The following ITPRID1 variants were observed in gnomAD, a reference collection of about 807,000 sequenced individuals.
ITPRID1 encodes protein ITPRID1.
A neutral mutation model predicts 95.4 loss-of-function variants in ITPRID1; 96 were observed. The ratio of observed to expected loss-of-function variants is 1.01; its 90% CI spans 0.85 to 1.19. The LOEUF is 1.19. ITPRID1 is among the 50% of genes most tolerant of loss of function. The pLI is 0.00. For synonymous variants in ITPRID1, 510 were observed against 453.6 expected, an observed-to-expected ratio of 1.12 and a Z score of -1.58; for missense variants, 1,339 against 1,252.9, an observed-to-expected ratio of 1.07 and a Z score of -1.04.
chr7:31,566,194 G>T (rs551260328), intron 5 of ITPRID1, among the ~76,000 whole-genome samples: 1 of 152,268 alleles, frequency 6.6e-6, no homozygotes, highest in East Asian at 1.9e-4. Context: ...TGGATGACTC[G>T]ATTTTCTGCA....
chr7:31,612,496 T>C (rs1786919220), intron 10 of ITPRID1, among the ~76,000 whole-genome samples: 1 of 152,076 alleles, frequency 6.6e-6, no homozygotes, highest in Non-Finnish European at 1.5e-5. Flanking sequence ...ACTCCTAGGT[T>C]TTGTTGTTGT....
intron 10 of ITPRID1, among the ~76,000 whole-genome samples, chr7:31,634,988 G>A (rs536896158): frequency 4.6e-5 from 7 of 152,276 alleles, no homozygotes; most frequent in South Asian, 2.1e-4. Context: ...TTGGCCAGGC[G>A]TGCTGGTACC....
intron 10 of ITPRID1, among the ~76,000 whole-genome samples, chr7:31,603,180 G>A (rs1201085334): frequency 6.6e-6 from 1 of 152,066 alleles, no homozygotes; most frequent in African/African-American, 2.4e-5. Flanking sequence ...CAATCAATCA[G>A]AGATGTAACC....
chr7:31,622,018 A>G (rs1364548011), intron 10 of ITPRID1, among the ~76,000 whole-genome samples: 3 of 142,376 alleles, frequency 2.1e-5, no homozygotes, highest in African/African-American at 7.9e-5. Flanking sequence ...AGGCCATTAC[A>G]TAATGGTAAA....
intron 10 of ITPRID1, among the ~76,000 whole-genome samples, chr7:31,585,842 TTTA>T (rs908478140): frequency 6.6e-6 from 1 of 152,148 alleles, no homozygotes; most frequent in Non-Finnish European, 1.5e-5. Flanking sequence ...ATCTTTTTTT[TTTA>T]TTATTATTAT....
At chr7:31,620,891 C>T in intron 10 of ITPRID1, among the ~76,000 whole-genome samples, 1 of 151,974 alleles carries the variant, frequency 6.6e-6, no homozygotes, top group Middle Eastern at 3.4e-3. Flanking sequence ...ACTAGAATAA[C>T]CAATACAGAG....
intron 1 of ITPRID1, among the ~76,000 whole-genome samples, chr7:31,522,030 A>C (rs1431757217): frequency 3.3e-5 from 5 of 151,788 alleles, no homozygotes; most frequent in African/African-American, 1.2e-4. Context: ...AAAAACCAGA[A>C]GTTTCAACAA....
chr7:31,641,708 TGTA>T (rs1211530124), intron 10 of ITPRID1, among the ~76,000 whole-genome samples: 1 of 152,156 alleles, frequency 6.6e-6, no homozygotes, highest in Non-Finnish European at 1.5e-5. Context: ...AGCACAAACT[TGTA>T]GTCATAGAAA....
chr7:31,624,864 A>T (rs535630242), intron 10 of ITPRID1, among the ~76,000 whole-genome samples: 11 of 152,370 alleles, frequency 7.2e-5, no homozygotes, highest in African/African-American at 2.6e-4. Flanking sequence ...AATTTTCGCA[A>T]CCTATTCATC....
intron 10 of ITPRID1, among the ~76,000 whole-genome samples, chr7:31,630,817 A>G (rs561827096): frequency 1.3e-5 from 2 of 152,316 alleles, no homozygotes; most frequent in South Asian, 4.1e-4. Context: ...TGGGCAAAAT[A>G]TACCAAAAAG....
chr7:31,617,049 A>G (rs901447344), intron 10 of ITPRID1, among the ~76,000 whole-genome samples: 1 of 152,200 alleles, frequency 6.6e-6, no homozygotes, highest in African/African-American at 2.4e-5. Flanking sequence ...GCACCACAGC[A>G]TGGTGGTAAA....
Position 31,651,923 on chromosome 7 carries a change from T to C in ITPRID1, c.2712-16T>C, listed in dbSNP as rs1790992384. 22 of 1,554,716 alleles carry C rather than the reference T, an allele frequency of 1.4e-5. No individual in the cohort carries two copies. The highest frequency in any genetic ancestry group is 1.7e-5 in the Non-Finnish European group (20 of 1,144,536). ...AGGATTGTTAAATTTGGTTATTTTCTATTATTTACTTGCAGGGAGGAGGCC... is the reference window on the plus strand; with the variant it reads ...AGGATTGTTAAATTTGGTTATTTTCCATTATTTACTTGCAGGGAGGAGGCC... On this transcript the variant is annotated splice_polypyrimidine_tract_variant and intron_variant, in intron 13 of 14. Transcript: ENST00000615280.
intron 1 of ITPRID1, among the ~76,000 whole-genome samples, chr7:31,545,692 C>T (rs1025021272): frequency 6.6e-6 from 1 of 152,100 alleles, no homozygotes; most frequent in African/African-American, 2.4e-5. Context: ...CAGCCTGCTC[C>T]TAAATGGCAG....
Position 31,574,545 on chromosome 7 carries a change from C to T in ITPRID1, c.401C>T (p.Pro134Leu). ...ATTCATATTTTTTACCACAGCATTC[C>T]TGAATGGCTGGAATTTTGGGAGATA... Reference protein sequence around the residue: ...YSTASVPQSIPEWLEFWEIDP... With the variant: ...YSTASVPQSILEWLEFWEIDP... Residue 134 changes from proline to leucine, a missense_variant, in exon 8 of 15, where the codon CCT (proline) becomes CTT (leucine). Coordinates refer to ENST00000615280, the MANE Select transcript of ITPRID1 (RefSeq NM_001257967.3). The T allele has an allele frequency of 1.2e-6, 2 of 1,613,008 alleles. No individual in the cohort carries two copies. The highest frequency in any genetic ancestry group is 2.2e-5 in the South Asian group (2 of 91,082).
intron 5 of ITPRID1, among the ~76,000 whole-genome samples, chr7:31,565,670 G>A (rs548278187): frequency 8.5e-5 from 13 of 152,200 alleles, no homozygotes; most frequent in African/African-American, 2.2e-4. Context: ...CCTGAGAAGC[G>A]GAGGTTGCAG....
chr7:31,640,290 T>C (rs557724479), intron 10 of ITPRID1, among the ~76,000 whole-genome samples: 1 of 152,344 alleles, frequency 6.6e-6, no homozygotes, highest in East Asian at 1.9e-4. Context: ...GTGTTTCCCC[T>C]GATCCTTTCT....
chr7:31,560,875 A>G (rs924360110), intron 5 of ITPRID1, among the ~76,000 whole-genome samples: 1 of 152,214 alleles, frequency 6.6e-6, no homozygotes, highest in Non-Finnish European at 1.5e-5. Flanking sequence ...ATTTGGGAGT[A>G]GCTGATGGGT....
chr7:31,643,345 A>G lies in ITPRID1; in HGVS notation c.1975A>G (p.Thr659Ala). 1 of 1,613,972 alleles carries G rather than the reference A, an allele frequency of 6.2e-7. No individual in the cohort carries two copies. Among genetic ancestry groups the G allele is most frequent in the Non-Finnish European group, 8.5e-7 (1 of 1,179,888 alleles). ...ACCTTATGCAACTGACCTTGCTCAAACATCTGAAAAGCTCATTCCCCACCT... is the reference window on the plus strand; with the variant it reads ...ACCTTATGCAACTGACCTTGCTCAAGCATCTGAAAAGCTCATTCCCCACCT... ...ITPYATDLAQ[T>A]SEKLIPHLHK... The change falls in exon 12 of 15, where the codon ACA (threonine) becomes GCA (alanine). Residue 659 changes from threonine (T) to alanine (A), a missense_variant. By Grantham distance (58) the Thr-to-Ala change is moderately conservative (BLOSUM62 0). Coordinates refer to ENST00000615280, the MANE Select transcript of ITPRID1 (RefSeq NM_001257967.3).
intron 5 of ITPRID1, among the ~76,000 whole-genome samples, chr7:31,561,083 A>C (rs913494887): frequency 6.6e-6 from 1 of 152,200 alleles, no homozygotes; most frequent in African/African-American, 2.4e-5. Flanking sequence ...TTGACTATGT[A>C]TGAGCAGGAA....
Sources: allele counts gnomAD v4.1 joint callset (sites outside exome capture counted in the v4.1 genomes callset), GRCh38; gene constraint gnomAD v4.1.1; transcripts MANE v1.5; gene names NCBI Gene and HGNC (gene_info 2026-07-23, HGNC 2026-07-21).